The following IZUMO2 variants were observed in gnomAD, a reference collection of about 807,000 sequenced individuals.
The protein encoded by IZUMO2 is izumo sperm-egg fusion protein 2.
In IZUMO2, 24 loss-of-function variants were observed where a neutral mutation model predicts 31.2. The ratio of observed to expected loss-of-function variants is 0.77; its 90% CI spans 0.56 to 1.08. The LOEUF is 1.08. IZUMO2 is among the 50% of genes least tolerant of loss of function. The pLI is 0.00. For missense variants in IZUMO2, 278 were observed against 274.0 expected (o/e 1.01, Z -0.10); for synonymous variants, 144 against 117.3 (o/e 1.23, Z -1.47).
intron 2 of IZUMO2, chr19:50,159,845 T>A: frequency 3.1e-6 from 1 of 320,542 alleles, no homozygotes; most frequent in Non-Finnish European, 5.8e-6. Context: ...TCTCTTCTCC[T>A]CTTCTTTTTT....
chr19:50,162,811 T>C lies in IZUMO2; in HGVS notation c.235A>G (p.Thr79Ala), dbSNP rs750071143. 10 of 1,613,588 alleles carry C rather than the reference T, an allele frequency of 6.2e-6. No individual in the cohort carries two copies. Among genetic ancestry groups the C allele is most frequent in the Non-Finnish European group, 8.5e-6 (10 of 1,179,850 alleles). Residue 79 changes from threonine to alanine, a missense_variant and splice_region_variant, in exon 2 of 7, where the codon ACA becomes GCA. By Grantham distance (58) the Thr-to-Ala change is moderately conservative (BLOSUM62 0). Transcript: ENST00000293405. ...ALNVFVGKVE[T>A]NQLDLVASFV... Reference sequence around the variant, plus strand: ...GACGCCACAAGGTCCAGTTGATTTGTCTCTGGGGGGAGAAGGGAGAGGACA... The same window carrying C: ...GACGCCACAAGGTCCAGTTGATTTGCCTCTGGGGGGAGAAGGGAGAGGACA...
At chr19:50,159,412 A>C in intron 3 of IZUMO2, 82 bp downstream of exon 3, 1 of 1,249,430 alleles carries the variant, frequency 8.0e-7, no homozygotes. Flanking sequence ...GTGAAGAAGG[A>C]GTTTGGGAGA....
Position 50,154,803 on chromosome 19 carries a change from T to C in IZUMO2, c.497-77A>G, listed in dbSNP as rs962951543. The C allele has an allele frequency of 5.6e-5, 87 of 1,543,498 alleles. No individual in the cohort carries two copies. The Middle Eastern group carries it at 8.0e-4, about 14-fold the overall frequency. On this transcript the variant is annotated intron_variant, in intron 5 of 6. Transcript: ENST00000293405. Reference sequence around the variant, plus strand: ...GCCCCATACCCACCCCACCTGTTCATTCAGCAGCCTGGGGCAGGGGTGGGG... The same window carrying C: ...GCCCCATACCCACCCCACCTGTTCACTCAGCAGCCTGGGGCAGGGGTGGGG...
intron 4 of IZUMO2, 82 bp downstream of exon 4, chr19:50,159,148 G>T: frequency 7.2e-7 from 1 of 1,394,696 alleles, no homozygotes; most frequent in Non-Finnish European, 1.0e-6. Context: ...AGTAAGGAGT[G>T]GTAGCCAGGC....
chr19:50,161,339 C>T (rs1370635408), intron 2 of IZUMO2, among the ~76,000 whole-genome samples: 2 of 152,056 alleles, frequency 1.3e-5, no homozygotes, highest in South Asian at 2.1e-4. Context: ...TCAGGCTGGT[C>T]TTGAACTCCC....
intron 6 of IZUMO2, among the ~76,000 whole-genome samples, chr19:50,154,264 G>GTTTT (rs71180675): frequency 6.9e-4 from 55 of 79,250 alleles, no homozygotes; most frequent in Non-Finnish European, 1.1e-3. Flanking sequence ...AACTTTTAGC[G>GTTTT]TTTTTTTTTT....
chr19:50,154,478 G>T, intron 6 of IZUMO2, 122 bp downstream of exon 6: 2 of 884,756 alleles, frequency 2.3e-6, no homozygotes, highest in African/African-American at 1.7e-5. Flanking sequence ...AAGAGAGACA[G>T]AGACTAAAGT....
chr19:50,159,534 G>A lies in IZUMO2; in HGVS notation c.354C>T (p.Ile118=). The change falls in exon 3 of 7, where the codon ATC becomes ATT. Residue 118 remains isoleucine, a synonymous_variant. Coordinates refer to ENST00000293405, the MANE Select transcript of IZUMO2 (RefSeq NM_152358.3). ...EELVTLRANV[I]KEFKKVLISY... ...AAATTAAAACTTTCTTGAATTCCTT[G>A]ATCACATTCGCCCTGAGGGTCACCA... 1 of 1,613,294 alleles carries A rather than the reference G, an allele frequency of 6.2e-7. No individual in the cohort carries two copies. The highest frequency in any genetic ancestry group is 8.5e-7 in the Non-Finnish European group (1 of 1,179,386).
In IZUMO2 at chr19:50,162,444, C is replaced by CA. The variant is rs569735107; in HGVS notation, c.307+294dup. On this transcript the variant is annotated intron_variant, in intron 2 of 6. Coordinates refer to ENST00000293405, the MANE Select transcript of IZUMO2 (RefSeq NM_152358.3). ...GCAATATAATGAGACCCAGTCTCTA[C>CA]AAAAAATTAAAAAGTAGAAAATTAG... Among the ~76,000 whole-genome samples the CA allele has an allele frequency of 9.9e-5, 15 of 151,874 alleles. No individual in the cohort carries two copies. In the South Asian group the frequency reaches 2.7e-3, roughly 27 times the overall value.
chr19:50,157,310 T>A (rs2030244501), intron 5 of IZUMO2, among the ~76,000 whole-genome samples: 1 of 150,572 alleles, frequency 6.6e-6, no homozygotes, highest in African/African-American at 2.4e-5. Context: ...TACTTTTTTT[T>A]TTTTTTTTTT....
chr19:50,162,883 CCT>C, intron 1 of IZUMO2, 70 bp from the exon 2 acceptor site: 1 of 1,604,410 alleles, frequency 6.2e-7, no homozygotes, highest in Non-Finnish European at 8.5e-7. Context: ...CCCCTCCAGG[CCT>C]GGCCCCGACC....
chr19:50,159,439 G>T, intron 3 of IZUMO2, 55 bp downstream of exon 3: 3 of 1,359,638 alleles, frequency 2.2e-6, no homozygotes, highest in Non-Finnish European at 3.1e-6. Context: ...GGTAAAAGGG[G>T]ATCAAGAGGT....
chr19:50,157,054 C>T (rs921181069), intron 5 of IZUMO2, among the ~76,000 whole-genome samples: 22 of 152,056 alleles, frequency 1.4e-4, no homozygotes, highest in African/African-American at 5.3e-4. Flanking sequence ...TCTGTGGTTT[C>T]TTTTAAGATA....
rs1290872301 is a variant in IZUMO2, at chr19:50,154,653, G to A, written c.570C>T (p.Gly190=). ...CAGCCAGAGACACAGAAATGAGGAT[G>A]CCCAACAGCGCCTGGTTCCTCGGGT... ...SKYPRNQALL[G]ILISVSLAVF... The change falls in exon 6 of 7, where the codon GGC becomes GGT. Residue 190 remains glycine (G), a synonymous_variant. Transcript: ENST00000293405. The A allele has an allele frequency of 6.2e-7, 1 of 1,613,808 alleles. No individual in the cohort carries two copies. The highest frequency in any genetic ancestry group is 1.3e-5 in the African/African-American group (1 of 74,868).
At chr19:50,153,668 G>C (rs779921176) in intron 6 of IZUMO2, 1 of 152,038 alleles carries the variant, frequency 6.6e-6, no homozygotes, top group Non-Finnish European at 1.5e-5. Flanking sequence ...CAGGCTTGGT[G>C]GTGGGCACCT....
chr19:50,161,911 C>G lies in IZUMO2; in HGVS notation c.307+828G>C, dbSNP rs187961207. On this transcript the variant is annotated intron_variant, in intron 2 of 6. Coordinates refer to ENST00000293405, the MANE Select transcript of IZUMO2 (RefSeq NM_152358.3). ...GTCCCAATCCTGCACATCCCCCGCT[C>G]CCCCCCAAAAAAATTTGGCTCTTGC... Among the ~76,000 whole-genome samples, 339 of 152,190 alleles carry G rather than the reference C, an allele frequency of 2.2e-3. 1 individual carries two copies. Among genetic ancestry groups the G allele is most frequent in the Admixed American group, 4.6e-3 (71 of 15,282 alleles).
In IZUMO2 at chr19:50,163,027, C is replaced by T. The variant is rs1407539106; in HGVS notation, c.168G>A (p.Val56=). The change falls in exon 1 of 7, where the codon GTG becomes GTA. Residue 56 remains valine (V), a synonymous_variant. Transcript: ENST00000293405. ...AGAAAGGCCCCTCCATGCCCATCAG[C>T]ACGGCCCCGGCGCGCGCCTGCAGCT... ...LEQLQARAGA[V]LMGMEGPFFR... is the part of the protein sequence containing the mutation. The T allele has an allele frequency of 2.5e-6, 4 of 1,612,688 alleles. No homozygotes were observed. The Admixed American group carries it at 5.0e-5, about 20-fold the overall frequency.
At chr19:50,153,032 G>A (rs1054170116) in intron 6 of IZUMO2, among the ~76,000 whole-genome samples, 1 of 152,228 alleles carries the variant, frequency 6.6e-6, no homozygotes, top group Non-Finnish European at 1.5e-5. Flanking sequence ...ACCTGGGAAT[G>A]TGACCTTAAT....
rs199749467 is a variant in IZUMO2 at position 50,154,675 on chromosome 19, G to A, written c.548C>T (p.Pro183Leu). The A allele has an allele frequency of 2.0e-5, 32 of 1,614,032 alleles. No homozygotes were observed. The highest frequency in any genetic ancestry group is 1.7e-4 in the Admixed American group (10 of 60,002). ...GATGCCCAACAGCGCCTGGTTCCTCGGGTATTTGCTGTCCATCTGGTACTG... is the reference window on the plus strand; with the variant it reads ...GATGCCCAACAGCGCCTGGTTCCTCAGGTATTTGCTGTCCATCTGGTACTG... The part of the protein sequence containing the change: ...ALQYQMDSKY[P>L]RNQALLGILI... Residue 183 changes from proline (P) to leucine (L), a missense_variant, in exon 6 of 7, where the codon CCG becomes CTG. Pro to Leu is a moderately conservative substitution (Grantham distance 98). Coordinates refer to ENST00000293405, the MANE Select transcript of IZUMO2 (RefSeq NM_152358.3).
Sources: gnomAD v4.1 joint callset for allele counts (sites outside exome capture counted in the v4.1 genomes callset) on GRCh38, gnomAD v4.1.1 for gene constraint, MANE v1.5 for transcripts, NCBI Gene and HGNC (gene_info 2026-07-23, HGNC 2026-07-21) for gene names.